The following IL5RA variants were observed in gnomAD, a reference collection of about 807,000 sequenced individuals.
The protein encoded by IL5RA is interleukin-5 receptor subunit alpha.
IL5RA carries 49 observed loss-of-function variants against 50.0 expected under a neutral mutation model. The ratio of observed to expected loss-of-function variants is 0.98; its 90% CI spans 0.78 to 1.24. The LOEUF (loss-of-function observed/expected upper bound fraction) is 1.24, where lower values mean the gene tolerates loss of function less well. Among genes scored for constraint, IL5RA ranks in the 50% most tolerant of loss-of-function variants. The pLI, the probability that IL5RA is intolerant of heterozygous loss-of-function variation, is 0.00. For missense variants in IL5RA, 600 were observed against 500.4 expected (o/e 1.20, Z -1.90); for synonymous variants, 202 against 174.0 (o/e 1.16, Z -1.26).
chr3:3,096,452 T>C (rs1271064897), intron 7 of IL5RA, among the ~76,000 whole-genome samples: 4 of 152,124 alleles, frequency 2.6e-5, no homozygotes, highest in African/African-American at 9.7e-5. Context: ...ATGACTTAGA[T>C]CTCACAATTA....
At chr3:3,072,739 C>T (rs1469270145) in intron 11 of IL5RA, among the ~76,000 whole-genome samples, 2 of 152,208 alleles carry the variant, frequency 1.3e-5, no homozygotes, top group Non-Finnish European at 2.9e-5. Flanking sequence ...TGGCGTAACC[C>T]TGTCTCTACT....
intron 9 of IL5RA, among the ~76,000 whole-genome samples, chr3:3,088,925 A>G (rs1702980531): frequency 6.6e-6 from 1 of 152,218 alleles, no homozygotes; most frequent in South Asian, 2.1e-4. Context: ...GCATTTGACA[A>G]AATTAATGAC....
At chr3:3,071,158 T>C (rs990687524) in intron 11 of IL5RA, among the ~76,000 whole-genome samples, 2 of 152,240 alleles carry the variant, frequency 1.3e-5, no homozygotes, top group Non-Finnish European at 2.9e-5. Context: ...TTTTACTATC[T>C]GCTCCACACT....
At chr3:3,083,729 T>C (rs1017940895) in intron 9 of IL5RA, among the ~76,000 whole-genome samples, 2 of 152,186 alleles carry the variant, frequency 1.3e-5, no homozygotes, top group African/African-American at 4.8e-5. Flanking sequence ...AGTCATCACA[T>C]AGAAGTAAGC....
At chr3:3,103,407 A>T (rs1703748209) in intron 3 of IL5RA, among the ~76,000 whole-genome samples, 1 of 152,236 alleles carries the variant, frequency 6.6e-6, no homozygotes, top group Non-Finnish European at 1.5e-5. Flanking sequence ...TGGAAGAAAA[A>T]TAGAATAGAA....
chr3:3,096,401 G>C (rs163559), intron 7 of IL5RA, among the ~76,000 whole-genome samples: 14,742 of 152,110 alleles, frequency 0.097, 1,394 homozygotes, highest in African/African-American at 0.25. Flanking sequence ...GGTGAGGTGA[G>C]GGGAAATGAA....
intron 8 of IL5RA, among the ~76,000 whole-genome samples, chr3:3,093,561 GCA>G (rs1319282522): frequency 2.0e-4 from 31 of 152,292 alleles, no homozygotes; most frequent in African/African-American, 5.5e-4. Context: ...ACACACACGT[GCA>G]CACACAGTCC....
At chr3:3,081,299 C>A (rs541769549) in intron 9 of IL5RA, among the ~76,000 whole-genome samples, 2 of 152,128 alleles carry the variant, frequency 1.3e-5, no homozygotes, top group African/African-American at 2.4e-5. Context: ...ATTTCCCAGT[C>A]GATTTCCTGA....
intron 7 of IL5RA, among the ~76,000 whole-genome samples, chr3:3,096,072 A>T (rs1703350398): frequency 6.6e-6 from 1 of 152,010 alleles, no homozygotes; most frequent in Non-Finnish European, 1.5e-5. Flanking sequence ...AGGTCAGGAG[A>T]TCGAAACCAT....
At position 3,076,605 on chromosome 3, in the gene IL5RA, C is replaced by G. The variant is rs368675316; in HGVS notation, c.1017G>C (p.Leu339Phe). 37 of 1,609,980 alleles carry G rather than the reference C, an allele frequency of 2.3e-5. No individual in the cohort carries two copies. The highest frequency in any genetic ancestry group is 2.9e-5 in the Non-Finnish European group (34 of 1,176,704). ...TAATCACAATGACAAACCACTCTCTCAAGGGCTTGTGTTCATCATTTCCTG... is the reference window on the plus strand; with the variant it reads ...TAATCACAATGACAAACCACTCTCTGAAGGGCTTGTGTTCATCATTTCCTG... The part of the protein sequence containing the change: ...IYVGNDEHKP[L>F]REWFVIVIMA... Residue 339 changes from leucine to phenylalanine, a missense_variant, in exon 10 of 12, where the codon TTG (leucine) becomes TTC (phenylalanine). Transcript: ENST00000446632.
intron 4 of IL5RA, 51 bp downstream of exon 4, chr3:3,102,624 C>CA (rs778024970): frequency 7.8e-7 from 1 of 1,285,398 alleles, no homozygotes; most frequent in Non-Finnish European, 1.1e-6. Flanking sequence ...AAAATGCAGT[C>CA]AAAATGCATA....
In IL5RA at chr3:3,098,073, T is replaced by G. The variant is rs1559875389; in HGVS notation, c.522-16A>C. 6.2e-7 allele frequency: 1 copy of G among 1,614,164 alleles called. No homozygotes were observed. The highest frequency in any genetic ancestry group is 1.6e-4 in the Middle Eastern group (1 of 6,062). ...AGAGCCATACCTAAATTGGAACATT[T>G]ACGAGTGTTATGAGGTTGCAGGAAA... On this transcript the variant is annotated splice_polypyrimidine_tract_variant and intron_variant, in intron 6 of 11. Transcript: ENST00000446632.
At chr3:3,097,783 TA>T in intron 7 of IL5RA, 86 bp downstream of exon 7, 1 of 1,402,788 alleles carries the variant, frequency 7.1e-7, no homozygotes, top group Non-Finnish European at 9.7e-7. Context: ...AGAGAAGCAG[TA>T]AAACTAGGTG....
At chr3:3,089,135 G>A (rs946327704) in intron 9 of IL5RA, among the ~76,000 whole-genome samples, 8 of 152,066 alleles carry the variant, frequency 5.3e-5, no homozygotes, top group African/African-American at 9.7e-5. Context: ...TTATGAAGCA[G>A]GTGAGTTTAG....
chr3:3,092,608 G>A lies in IL5RA; in HGVS notation c.856-246C>T, dbSNP rs561422090. Among the ~76,000 whole-genome samples the A allele has an allele frequency of 6.6e-6, 1 of 152,202 alleles. No homozygotes were observed. Among genetic ancestry groups the A allele is most frequent in the Non-Finnish European group, 1.5e-5 (1 of 68,038 alleles). ...AATGATCAACGGTCAAGATCCAGGT[G>A]TTCCTATCCAGGCCCAGCTGATGTT... On this transcript the variant is annotated intron_variant, in intron 8 of 11. Coordinates refer to ENST00000446632, the MANE Select transcript of IL5RA (RefSeq NM_175726.4). The surrounding 1 kb of genome is among the most constrained non-coding windows in gnomAD (Gnocchi z 4.2).
At chr3:3,076,081 TAACC>T (rs2125953601) in intron 10 of IL5RA, among the ~76,000 whole-genome samples, 1 of 152,254 alleles carries the variant, frequency 6.6e-6, no homozygotes, top group African/African-American at 2.4e-5. Context: ...TTTGACCTAA[TAACC>T]ATCAGCCACT....
rs1369057397 is a variant in IL5RA at position 3,092,622 on chromosome 3, C to T, written c.856-260G>A. On this transcript the variant is annotated intron_variant, in intron 8 of 11. Transcript: ENST00000446632. This position sits in a 1 kb window ranked among gnomAD's most constrained non-coding sequence, Gnocchi z 4.2. The stretch of plus-strand genomic sequence containing the variant: ...AAGATCCAGGTGTTCCTATCCAGGC[C>T]CAGCTGATGTTTCCAGACTGAAAGA... Among the ~76,000 whole-genome samples the T allele has an allele frequency of 2.6e-5, 4 of 152,154 alleles. No individual in the cohort carries two copies. The highest frequency in any genetic ancestry group is 9.7e-5 in the African/African-American group (4 of 41,426).
intron 11 of IL5RA, among the ~76,000 whole-genome samples, chr3:3,074,272 T>C (rs151067061): frequency 1.3e-5 from 2 of 152,334 alleles, no homozygotes; most frequent in Non-Finnish European, 1.5e-5. Context: ...CTTAAAACAT[T>C]AGAGCTAAGC....
chr3:3,103,090 C>T (rs1703731493), intron 3 of IL5RA: 5 of 224,888 alleles, frequency 2.2e-5, no homozygotes, highest in Non-Finnish European at 3.5e-5. Context: ...ACCATGTTGG[C>T]TAGGCTGGTC....
Sources: gnomAD v4.1 joint callset for allele counts (sites outside exome capture counted in the v4.1 genomes callset) on GRCh38, gnomAD v4.1.1 for gene constraint, Gnocchi (gnomAD v3.1) non-coding constraint, MANE v1.5 for transcripts, NCBI Gene and HGNC (gene_info 2026-07-23, HGNC 2026-07-21) for gene names.